Variants in TSPAN9 observed in about 807,000 individuals in gnomAD.
TSPAN9 encodes tetraspanin 9, also known as tetraspanin-9.
Under a neutral mutation model 31.0 loss-of-function variants are expected in TSPAN9, and 16 were observed. The observed-to-expected ratio is 0.52, with a 90% CI of 0.35 to 0.78. The LOEUF (loss-of-function observed/expected upper bound fraction) is 0.78. Ranked by LOEUF, TSPAN9 falls within the 30% of genes least tolerant of loss-of-function variation. The probability of loss-of-function intolerance (pLI) is 0.01; values close to 1 mark genes in which losing one functional copy is unlikely to be tolerated. For missense variants in TSPAN9, 272 were observed against 312.5 expected, an observed-to-expected ratio of 0.87 and a Z score of 0.98; for synonymous variants, 145 against 121.6, an observed-to-expected ratio of 1.19 and a Z score of -1.27.
intron 3 of TSPAN9, among the ~76,000 whole-genome samples, chr12:3,256,578 C>T (rs1591709094): frequency 6.6e-6 from 1 of 152,160 alleles, no homozygotes; most frequent in Non-Finnish European, 1.5e-5. Flanking sequence ...CTGGGAGGGC[C>T]GGATGAGGTT....
At chr12:3,222,913 G>A (rs2098385272) in intron 3 of TSPAN9, among the ~76,000 whole-genome samples, 1 of 152,056 alleles carries the variant, frequency 6.6e-6, no homozygotes, top group Admixed American at 6.6e-5. Flanking sequence ...CTAAGTCACA[G>A]CTTTGGCCAT....
chr12:3,227,749 T>C (rs2098388602), intron 3 of TSPAN9, among the ~76,000 whole-genome samples: 1 of 152,144 alleles, frequency 6.6e-6, no homozygotes, highest in South Asian at 2.1e-4. Flanking sequence ...TTAGGTGTGC[T>C]CACTTGCAGC....
chr12:3,105,813 C>T (rs1001645348), intron 2 of TSPAN9, among the ~76,000 whole-genome samples: 8 of 150,910 alleles, frequency 5.3e-5, no homozygotes, highest in South Asian at 2.1e-4. Flanking sequence ...TGCGCACACA[C>T]GCACACGCGC....
At chr12:3,161,215 C>T (rs1042194336) in intron 2 of TSPAN9, among the ~76,000 whole-genome samples, 1 of 136,896 alleles carries the variant, frequency 7.3e-6, no homozygotes, top group Non-Finnish European at 1.6e-5. Context: ...GAGTGAAACT[C>T]GGTCTCAAAA....
At chr12:3,112,082 C>T (rs562102204) in intron 2 of TSPAN9, among the ~76,000 whole-genome samples, 25 of 151,218 alleles carry the variant, frequency 1.7e-4, no homozygotes, top group African/African-American at 5.3e-4. Flanking sequence ...AGGAATTTAT[C>T]CGTTTCTTCT....
rs2098387846 is a variant in TSPAN9, at chr12:3,226,771, TATATATA to T, written c.63+25516_63+25522del. ...ATATATATATATATATATATATATA[TATATATA>T]TATATATATATATATATTTTTTTTT... is the stretch of plus-strand genomic sequence containing the variant. On this transcript the variant is annotated intron_variant, in intron 3 of 8. Coordinates refer to ENST00000011898, the MANE Select transcript of TSPAN9 (RefSeq NM_006675.5). Among the ~76,000 whole-genome samples the T allele has an allele frequency of 3.9e-4, 2 of 5,166 alleles. 1 individual carries two copies. 3.4% of individuals were successfully genotyped at this position (5,166 alleles called of 152,430 possible).
At chr12:3,135,727 C>A (rs781488975) in intron 2 of TSPAN9, among the ~76,000 whole-genome samples, 1 of 152,178 alleles carries the variant, frequency 6.6e-6, no homozygotes, top group Non-Finnish European at 1.5e-5. Context: ...GATCAGCCAT[C>A]GCCCCTTGAT....
intron 1 of TSPAN9, among the ~76,000 whole-genome samples, chr12:3,080,372 G>C (rs1365496636): frequency 6.6e-6 from 1 of 152,110 alleles, no homozygotes; most frequent in Non-Finnish European, 1.5e-5. Flanking sequence ...GTCTCACTCT[G>C]TCGCCCAGGC....
rs1263412402 is a variant in TSPAN9, at chr12:3,280,638, C to T, written c.432+155C>T. ...CCCACGGGGGCATTTGCCTGAACTG[C>T]TGAGTCAGATGTGATACAGCAAGGT... On this transcript the variant is annotated intron_variant, in intron 6 of 8. Coordinates refer to ENST00000011898, the MANE Select transcript of TSPAN9 (RefSeq NM_006675.5). The surrounding 1 kb of genome is among the most constrained non-coding windows in gnomAD (Gnocchi z 4.5). Among the ~76,000 whole-genome samples the T allele has an allele frequency of 6.6e-6, 1 of 152,210 alleles. No individual in the cohort carries two copies. The highest frequency in any genetic ancestry group is 1.5e-5 in the Non-Finnish European group (1 of 68,048).
intron 3 of TSPAN9, among the ~76,000 whole-genome samples, chr12:3,253,871 G>A (rs1421882840): frequency 6.6e-6 from 1 of 152,230 alleles, no homozygotes; most frequent in African/African-American, 2.4e-5. Flanking sequence ...ACCTGTGGAT[G>A]TTTGGAAGCC....
intron 3 of TSPAN9, among the ~76,000 whole-genome samples, chr12:3,275,405 C>T (rs1230780986): frequency 2.6e-5 from 4 of 152,020 alleles, no homozygotes; most frequent in South Asian, 4.2e-4. Context: ...CGAGTACCTG[C>T]GGCAGTGGGG....
At chr12:3,206,508 A>G in intron 3 of TSPAN9, 2 of 303,448 alleles carry the variant, frequency 6.6e-6, no homozygotes, top group Non-Finnish European at 7.1e-6. Flanking sequence ...ACACCCACAC[A>G]GCCACTTTCT....
intron 2 of TSPAN9, among the ~76,000 whole-genome samples, chr12:3,124,274 A>C (rs1591638160): frequency 6.6e-6 from 1 of 152,242 alleles, no homozygotes; most frequent in African/African-American, 2.4e-5. Context: ...TTGGAAGTTT[A>C]TATCAAAGGC....
chr12:3,186,245 T>TA (rs1408028243), intron 2 of TSPAN9, among the ~76,000 whole-genome samples: 3 of 152,218 alleles, frequency 2.0e-5, no homozygotes, highest in East Asian at 1.9e-4. Context: ...CAAAAATACT[T>TA]ACACCTGTCT....
chr12:3,179,787 T>C (rs912381149), intron 2 of TSPAN9, among the ~76,000 whole-genome samples: 3 of 152,176 alleles, frequency 2.0e-5, no homozygotes, highest in African/African-American at 7.2e-5. Context: ...CAGGCGAGCA[T>C]GTTAAATCCA....
intron 3 of TSPAN9, among the ~76,000 whole-genome samples, chr12:3,223,353 A>T (rs535912080): frequency 6.6e-6 from 1 of 152,260 alleles, no homozygotes; most frequent in Admixed American, 6.5e-5. Flanking sequence ...CTGGGCAGAG[A>T]TCGTCACGAA....
At chr12:3,216,559 T>C (rs1021617190) in intron 3 of TSPAN9, among the ~76,000 whole-genome samples, 2 of 152,216 alleles carry the variant, frequency 1.3e-5, no homozygotes, top group Admixed American at 1.3e-4. Context: ...GGGAGGCTTA[T>C]ACAGAGAGGG....
rs115750489 is a variant in TSPAN9, at chr12:3,224,870, G to T, written c.63+23614G>T. Among the ~76,000 whole-genome samples the T allele has an allele frequency of 5.5e-3, 835 of 152,250 alleles. 12 individuals carry two copies. The highest frequency in any genetic ancestry group is 0.019 in the African/African-American group (780 of 41,564). ...TGTGTGAGATCGGCCCTCTTGAGGG[G>T]CTTGTGGGGGGCTGCTGCAGGGAAC... On this transcript the variant is annotated intron_variant, in intron 3 of 8. Transcript: ENST00000011898.
chr12:3,252,674 G>A (rs557453505), intron 3 of TSPAN9, among the ~76,000 whole-genome samples: 1 of 152,348 alleles, frequency 6.6e-6, no homozygotes, highest in African/African-American at 2.4e-5. Flanking sequence ...TTCACGGTGC[G>A]CAGCCAGAAA....
Sources: gnomAD v4.1 joint callset for allele counts (sites outside exome capture counted in the v4.1 genomes callset) on GRCh38, gnomAD v4.1.1 for gene constraint, Gnocchi (gnomAD v3.1) non-coding constraint, MANE v1.5 for transcripts, NCBI Gene and HGNC (gene_info 2026-07-23, HGNC 2026-07-21) for gene names.